Variants in ARL5B observed in about 807,000 individuals in gnomAD.
The protein encoded by ARL5B is ARF like GTPase 5B, also known as ADP-ribosylation factor-like protein 5B.
In ARL5B, 10 loss-of-function variants were observed where a neutral mutation model predicts 26.9. That is an observed-to-expected ratio of 0.37 (90% CI 0.23 to 0.63). The LOEUF is 0.63. Among genes scored for constraint, ARL5B ranks in the 30% least tolerant of loss-of-function variants. The pLI is 0.62. For synonymous variants in ARL5B, 87 were observed against 70.4 expected, an observed-to-expected ratio of 1.24 and a Z score of -1.18; for missense variants, 167 against 213.9, an observed-to-expected ratio of 0.78 and a Z score of 1.37.
chr10:18,675,057 A>G (rs763726008), intron 5 of ARL5B, 111 bp from the exon 6 acceptor site: 38 of 869,124 alleles, frequency 4.4e-5, no homozygotes, highest in African/African-American at 2.7e-4. Context: ...ACTGATGTAT[A>G]TAAATAATGA....
rs2059921821 is a variant in ARL5B, at chr10:18,678,977, A to T, written c.*3761A>T. 6.6e-6 allele frequency: 1 copy of T among 151,988 alleles called. No homozygotes were observed. The highest frequency in any genetic ancestry group is 2.1e-4 in the South Asian group (1 of 4,824). The allele number at this position is 151,988 out of a possible 1,614,324, so 9.4% of individuals were successfully genotyped here. A position where few individuals can be genotyped will look rare whatever the true frequency, so the allele number is the denominator to read the frequency against. On this transcript the variant is annotated 3_prime_UTR_variant, in exon 6 of 6. Coordinates refer to ENST00000377275, the MANE Select transcript of ARL5B (RefSeq NM_178815.5). ...TTAAAATTCTGAATGCTTATATACT[A>T]CTATTAAAAATTAAAAATCCCTCAA...
At chr10:18,669,720 C>T (rs938048879) in intron 3 of ARL5B, among the ~76,000 whole-genome samples, 2 of 151,962 alleles carry the variant, frequency 1.3e-5, no homozygotes, top group African/African-American at 2.4e-5. Context: ...GGGCCAGACA[C>T]GGTGGCTCAC....
chr10:18,673,441 T>C (rs1050434322), intron 4 of ARL5B, among the ~76,000 whole-genome samples: 21 of 152,182 alleles, frequency 1.4e-4, no homozygotes, highest in Non-Finnish European at 2.5e-4. Context: ...TTGTGACTTA[T>C]CCATGATAAT....
At position 18,672,673 on chromosome 10, in the gene ARL5B, AAAG is replaced by A; in HGVS notation, c.313_315del (p.Glu105del). ...TGACAGGGAACGACTAGCTATTACA[AAAG>A]AAGAATTATACAGAATGTTGGCTCA... On this transcript the variant is annotated inframe_deletion, in exon 4 of 6. Transcript: ENST00000377275. The A allele has an allele frequency of 6.2e-7, 1 of 1,610,852 alleles. No individual in the cohort carries two copies. Among genetic ancestry groups the A allele is most frequent in the East Asian group, 2.2e-5 (1 of 44,678 alleles).
At position 18,679,215 on chromosome 10, in the gene ARL5B, T is replaced by G. The variant is rs1296065916; in HGVS notation, c.*3999T>G. On this transcript the variant is annotated 3_prime_UTR_variant, in exon 6 of 6. Transcript: ENST00000377275. ...ACAAGCCATATTGCTAAGAAAAGGA[T>G]AGTAAGCTGCTTAGAAAGAACCAGC... The G allele has an allele frequency of 6.6e-6, 1 of 151,882 alleles. No homozygotes were observed. Among genetic ancestry groups the G allele is most frequent in the East Asian group, 1.9e-4 (1 of 5,192 alleles). 9.4% of individuals were successfully genotyped at this position (151,882 alleles called of 1,614,324 possible). A position where few individuals can be genotyped will look rare whatever the true frequency, so the allele number is the denominator to read the frequency against.
In ARL5B at chr10:18,679,086, G is replaced by A. The variant is rs12098682; in HGVS notation, c.*3870G>A. The stretch of plus-strand genomic sequence containing the variant: ...CCACCTGTTATTTTATTTAGAATAC[G>A]AATACAACCAAGTAGGGAAAAACGT... On this transcript the variant is annotated 3_prime_UTR_variant, in exon 6 of 6. Transcript: ENST00000377275. 3.3e-5 allele frequency: 5 copies of A among 151,582 alleles called. No individual in the cohort carries two copies. The East Asian group carries it at 7.7e-4, about 23-fold the overall frequency. The allele number at this position is 151,582 out of a possible 1,614,324, so 9.4% of individuals were successfully genotyped here. A position where few individuals can be genotyped will look rare whatever the true frequency, so the allele number is the denominator to read the frequency against.
At chr10:18,661,431 T>G (rs1276735600) in intron 1 of ARL5B, among the ~76,000 whole-genome samples, 1 of 152,196 alleles carries the variant, frequency 6.6e-6, no homozygotes, top group Non-Finnish European at 1.5e-5. Flanking sequence ...CTCGCATAAT[T>G]GTTCAGGCCT....
rs1230614938 is a variant in ARL5B, at chr10:18,667,712, T to TAC, written c.108-817_108-816insCA. ...AGTATTCTAAATATATATATATATA[T>TAC]ATACACACACACACAAACACACACA... On this transcript the variant is annotated intron_variant, in intron 2 of 5. Coordinates refer to ENST00000377275, the MANE Select transcript of ARL5B (RefSeq NM_178815.5). 4.5e-3 allele frequency among the ~76,000 whole-genome samples: 677 copies of TAC among 151,676 alleles called. 35 individuals are homozygous for TAC. The East Asian group carries it at 0.094, about 21-fold the overall frequency.
rs2131657072 is a variant in ARL5B at position 18,680,663 on chromosome 10, A to G, written c.*5447A>G. 1 of 152,242 alleles carries G rather than the reference A, an allele frequency of 6.6e-6. No homozygotes were observed. Among genetic ancestry groups the G allele is most frequent in the East Asian group, 1.9e-4 (1 of 5,184 alleles). The allele number at this position is 152,242 out of a possible 1,614,324, so 9.4% of individuals were successfully genotyped here. A position where few individuals can be genotyped will look rare whatever the true frequency, so the allele number is the denominator to read the frequency against. On this transcript the variant is annotated 3_prime_UTR_variant, in exon 6 of 6. Transcript: ENST00000377275. ...AGTGTAGTTACAAAAACTTTTATTT[A>G]TGACTTAAAAAAAGTTTAGCTGCTA...
Position 18,681,085 on chromosome 10 carries a change from G to A in ARL5B, c.*5869G>A, listed in dbSNP as rs1158883494. The A allele has an allele frequency of 6.6e-6, 1 of 152,046 alleles. No individual in the cohort carries two copies. The highest frequency in any genetic ancestry group is 2.4e-5 in the African/African-American group (1 of 41,392). The allele number at this position is 152,046 out of a possible 1,614,324, so 9.4% of individuals were successfully genotyped here. A position where few individuals can be genotyped will look rare whatever the true frequency, so the allele number is the denominator to read the frequency against. On this transcript the variant is annotated 3_prime_UTR_variant, in exon 6 of 6. Coordinates refer to ENST00000377275, the MANE Select transcript of ARL5B (RefSeq NM_178815.5). ...GCTCTAAGAATATCTTCATTACTAT[G>A]CTTGGTCAACTGGAAGATGGTATTA...
rs748156587 is a variant in ARL5B at position 18,676,699 on chromosome 10, T to C, written c.*1483T>C. On this transcript the variant is annotated 3_prime_UTR_variant, in exon 6 of 6. Transcript: ENST00000377275. Reference sequence around the variant, plus strand: ...ATAATATCAAAATATGTGTTCAAAATTGGTATTTTAATTTTAATATTTTTG... The same window carrying C: ...ATAATATCAAAATATGTGTTCAAAACTGGTATTTTAATTTTAATATTTTTG... The C allele has an allele frequency of 2.4e-4, 36 of 151,996 alleles. No homozygotes were observed. The highest frequency in any genetic ancestry group is 5.0e-4 in the Non-Finnish European group (34 of 67,868). The allele number at this position is 151,996 out of a possible 1,614,324, so 9.4% of individuals were successfully genotyped here. A position where few individuals can be genotyped will look rare whatever the true frequency, so the allele number is the denominator to read the frequency against.
intron 5 of ARL5B, among the ~76,000 whole-genome samples, chr10:18,674,925 A>G (rs964733634): frequency 6.6e-6 from 1 of 152,184 alleles, no homozygotes; most frequent in African/African-American, 2.4e-5. Context: ...CTTCATGGCA[A>G]AACTGGCAAA....
intron 2 of ARL5B, among the ~76,000 whole-genome samples, chr10:18,667,712 T>C (rs778029524): frequency 5.5e-4 from 84 of 151,694 alleles, no homozygotes; most frequent in East Asian, 7.8e-4. Context: ...TATATATATA[T>C]ATACACACAC....
intron 1 of ARL5B, among the ~76,000 whole-genome samples, chr10:18,661,227 G>A (rs115503734): frequency 6.6e-6 from 1 of 152,302 alleles, no homozygotes; most frequent in Non-Finnish European, 1.5e-5. Context: ...CCCCTGAGCT[G>A]GAGAATCGAA....
intron 1 of ARL5B, among the ~76,000 whole-genome samples, chr10:18,664,408 A>C (rs1172799577): frequency 6.7e-6 from 1 of 148,728 alleles, no homozygotes. Context: ...GATTTACTGT[A>C]ACTGATAGTA....
At chr10:18,664,165 G>C (rs1000436293) in intron 1 of ARL5B, among the ~76,000 whole-genome samples, 3 of 151,628 alleles carry the variant, frequency 2.0e-5, no homozygotes, top group Non-Finnish European at 2.9e-5. Context: ...AATTAGCCAG[G>C]TTGGTCTTGA....
In ARL5B at chr10:18,677,938, T is replaced by C. The variant is rs1055116; in HGVS notation, c.*2722T>C. On this transcript the variant is annotated 3_prime_UTR_variant, in exon 6 of 6. Coordinates refer to ENST00000377275, the MANE Select transcript of ARL5B (RefSeq NM_178815.5). ...ATTTGAAAACAAGGAAATTAAATTTTAACAGAAATCTTTTAAGTATGTTAT... is the reference window on the plus strand; with the variant it reads ...ATTTGAAAACAAGGAAATTAAATTTCAACAGAAATCTTTTAAGTATGTTAT... The C allele has an allele frequency of 0.35, 52,827 of 151,586 alleles. 9,782 individuals carry two copies. Among genetic ancestry groups the C allele is most frequent in the East Asian group, 0.74 (3,803 of 5,166 alleles). The allele number at this position is 151,586 out of a possible 1,614,324, so 9.4% of individuals were successfully genotyped here. A position where few individuals can be genotyped will look rare whatever the true frequency, so the allele number is the denominator to read the frequency against.
intron 5 of ARL5B, among the ~76,000 whole-genome samples, chr10:18,674,769 G>A (rs574139740): frequency 9.4e-4 from 143 of 152,284 alleles, no homozygotes; most frequent in African/African-American, 3.3e-3. Flanking sequence ...AGTAATAGCT[G>A]TGTGTAGGCC....
At chr10:18,672,356 G>A (rs1040860721) in intron 3 of ARL5B, among the ~76,000 whole-genome samples, 1 of 152,156 alleles carries the variant, frequency 6.6e-6, no homozygotes, top group Non-Finnish European at 1.5e-5. Flanking sequence ...ATAGTATTAT[G>A]TATTCGGGCA....
Sources: gnomAD v4.1 joint callset for allele counts (sites outside exome capture counted in the v4.1 genomes callset) on GRCh38, gnomAD v4.1.1 for gene constraint, MANE v1.5 for transcripts, NCBI Gene and HGNC (gene_info 2026-07-23, HGNC 2026-07-21) for gene names.